The following TMPRSS11F variants were observed in gnomAD, a reference collection of about 807,000 sequenced individuals.
TMPRSS11F encodes transmembrane protease serine 11F.
In TMPRSS11F, 47 loss-of-function variants were observed where a neutral mutation model predicts 60.2. The observed-to-expected ratio is 0.78, with a 90% CI of 0.62 to 1.00. The LOEUF is 1.00. Ranked by LOEUF, TMPRSS11F falls within the 50% of genes least tolerant of loss-of-function variation. The pLI, the probability that TMPRSS11F is intolerant of heterozygous loss-of-function variation, is 0.00. For synonymous variants in TMPRSS11F, 166 were observed against 167.3 expected, an observed-to-expected ratio of 0.99 and a Z score of 0.06; for missense variants, 519 against 522.9, an observed-to-expected ratio of 0.99 and a Z score of 0.07.
Position 68,072,469 on chromosome 4 carries a change from A to G in TMPRSS11F, c.368T>C (p.Val123Ala). 2 of 1,561,026 alleles carry G rather than the reference A, an allele frequency of 1.3e-6. No individual in the cohort carries two copies. The highest frequency in any genetic ancestry group is 2.3e-5 in the East Asian group (1 of 43,736). The change falls in exon 5 of 10, where the codon GTG (valine) becomes GCG (alanine). Residue 123 changes from valine (V) to alanine (A), a missense_variant. Coordinates refer to ENST00000356291, the MANE Select transcript of TMPRSS11F (RefSeq NM_207407.2). ...VIKLSPDEQGVDILIVLIFRY... is the reference protein window; with the variant it reads ...VIKLSPDEQGADILIVLIFRY... ...AAATATGAGCACTATAAGAATATCCACACCTTGTTCATCTGGACTGAAGAA... is the reference window on the plus strand; with the variant it reads ...AAATATGAGCACTATAAGAATATCCGCACCTTGTTCATCTGGACTGAAGAA...
At chr4:68,116,908 C>T (rs1724531571) in intron 1 of TMPRSS11F, among the ~76,000 whole-genome samples, 1 of 151,952 alleles carries the variant, frequency 6.6e-6, no homozygotes, top group African/African-American at 2.4e-5. Flanking sequence ...ACATAGGGAC[C>T]AAGCTTCTAG....
intron 2 of TMPRSS11F, among the ~76,000 whole-genome samples, chr4:68,094,648 G>A (rs953985725): frequency 2.0e-5 from 3 of 151,764 alleles, no homozygotes; most frequent in African/African-American, 7.3e-5. Context: ...AATATTTTGT[G>A]GGAAAATATA....
At position 68,105,179 on chromosome 4, in the gene TMPRSS11F, C is replaced by G. The variant is rs568610386; in HGVS notation, c.12-6141G>C. 1.0e-4 allele frequency among the ~76,000 whole-genome samples: 15 copies of G among 147,178 alleles called. No homozygotes were observed. In the South Asian group the frequency reaches 3.2e-3, roughly 32 times the overall value. ...GCTTTTCTTTGTTGGAAATTAACAA[C>G]CTTTTATCATACTTTGTATTGCATC... On this transcript the variant is annotated intron_variant, in intron 1 of 9. Transcript: ENST00000356291.
At chr4:68,070,326 GC>G (rs11314827) in intron 5 of TMPRSS11F, among the ~76,000 whole-genome samples, 56,437 of 151,918 alleles carry the variant, frequency 0.37, 12,309 homozygotes, top group Non-Finnish European at 0.51. Context: ...TTCTTTGGGG[GC>G]TCCAGTATAA....
intron 1 of TMPRSS11F, among the ~76,000 whole-genome samples, chr4:68,119,754 G>C (rs1724587228): frequency 6.6e-6 from 1 of 152,200 alleles, no homozygotes; most frequent in African/African-American, 2.4e-5. Context: ...CTCTGAAGGA[G>C]ATCAATGTTG....
chr4:68,086,752 C>A (rs978987019), intron 3 of TMPRSS11F, among the ~76,000 whole-genome samples: 5 of 149,460 alleles, frequency 3.3e-5, no homozygotes, highest in Admixed American at 7.0e-5. Context: ...CACCCCTATG[C>A]ATGTAAATTA....
intron 7 of TMPRSS11F, among the ~76,000 whole-genome samples, chr4:68,068,374 A>G (rs946798971): frequency 6.6e-6 from 1 of 152,076 alleles, no homozygotes; most frequent in African/African-American, 2.4e-5. Context: ...ATTTTATATA[A>G]TATATAATAG....
intron 1 of TMPRSS11F, among the ~76,000 whole-genome samples, chr4:68,110,957 T>G: frequency 6.6e-6 from 1 of 152,166 alleles, no homozygotes; most frequent in Non-Finnish European, 1.5e-5. Flanking sequence ...TCTTTAACCA[T>G]TCTTCAAAAC....
chr4:68,057,972 G>T (rs1233474429), intron 9 of TMPRSS11F, among the ~76,000 whole-genome samples: 1 of 152,164 alleles, frequency 6.6e-6, no homozygotes, highest in Non-Finnish European at 1.5e-5. Context: ...GGCACAGAAA[G>T]ACATATACTA....
At chr4:68,072,637 G>C in intron 4 of TMPRSS11F, 151 bp from the exon 5 acceptor site, 1 of 463,570 alleles carries the variant, frequency 2.2e-6, no homozygotes, top group African/African-American at 2.0e-5. Context: ...GATTAAAAAT[G>C]AGTGTATAAT....
chr4:68,100,769 T>C (rs1053739650), intron 1 of TMPRSS11F, among the ~76,000 whole-genome samples: 9 of 152,170 alleles, frequency 5.9e-5, no homozygotes, highest in African/African-American at 2.2e-4. Flanking sequence ...ATTTTAGTTG[T>C]GTCACTAATA....
intron 1 of TMPRSS11F, among the ~76,000 whole-genome samples, chr4:68,120,690 G>A (rs1172333575): frequency 6.6e-6 from 1 of 152,250 alleles, no homozygotes; most frequent in Admixed American, 6.5e-5. Context: ...GCCCGGCCGA[G>A]AAATCTTTAT....
At chr4:68,072,551 G>A (rs1723503445) in intron 4 of TMPRSS11F, 65 bp from the exon 5 acceptor site, 1 of 1,268,914 alleles carries the variant, frequency 7.9e-7, no homozygotes, top group African/African-American at 1.5e-5. Context: ...AACTTATTAG[G>A]ACTCACATTA....
At chr4:68,058,462 G>A (rs1408637463) in intron 9 of TMPRSS11F, among the ~76,000 whole-genome samples, 3 of 152,166 alleles carry the variant, frequency 2.0e-5, no homozygotes, top group Non-Finnish European at 4.4e-5. Flanking sequence ...TGGACAATAG[G>A]TGTCTATGAA....
intron 1 of TMPRSS11F, among the ~76,000 whole-genome samples, chr4:68,109,263 C>A (rs1328235780): frequency 3.3e-5 from 5 of 151,998 alleles, no homozygotes; most frequent in Non-Finnish European, 7.4e-5. Context: ...TACTCCAGTA[C>A]CAGTACTGGA....
intron 2 of TMPRSS11F, among the ~76,000 whole-genome samples, chr4:68,091,586 T>A (rs777350406): frequency 6.6e-6 from 1 of 152,076 alleles, no homozygotes; most frequent in Non-Finnish European, 1.5e-5. Context: ...AATCATTTAC[T>A]CCCTTATTTA....
chr4:68,117,243 G>A (rs575882966), intron 1 of TMPRSS11F, among the ~76,000 whole-genome samples: 113 of 151,996 alleles, frequency 7.4e-4, no homozygotes, highest in African/African-American at 2.5e-3. Context: ...CGAGGGGGGC[G>A]GATCACGAGG....
At chr4:68,124,360 TGTGCGTTGGG>T (rs1385937398) in intron 1 of TMPRSS11F, among the ~76,000 whole-genome samples, 1 of 151,988 alleles carries the variant, frequency 6.6e-6, no homozygotes, top group Non-Finnish European at 1.5e-5. Context: ...AAAATTTAGC[TGTGCGTTGGG>T]GTGCGCCTGT....
intron 1 of TMPRSS11F, among the ~76,000 whole-genome samples, chr4:68,104,172 T>C (rs1408324302): frequency 2.0e-5 from 3 of 152,240 alleles, no homozygotes; most frequent in Admixed American, 6.5e-5. Context: ...TCCAGTACTA[T>C]GTTGAACAGA....
Sources: allele counts gnomAD v4.1 joint callset (sites outside exome capture counted in the v4.1 genomes callset), GRCh38; gene constraint gnomAD v4.1.1; transcripts MANE v1.5; gene names NCBI Gene and HGNC (gene_info 2026-07-23, HGNC 2026-07-21).